Variants in KIF6 observed in about 807,000 individuals in gnomAD.
KIF6 encodes the protein kinesin-like protein KIF6.
KIF6 carries 106 observed loss-of-function variants against 112.7 expected under a neutral mutation model. The ratio of observed to expected loss-of-function variants is 0.94; its 90% CI spans 0.80 to 1.11. The LOEUF (loss-of-function observed/expected upper bound fraction) is 1.11. Among genes scored for constraint, KIF6 ranks in the 50% least tolerant of loss-of-function variants. KIF6 has a pLI of 0.00. For missense variants in KIF6, 929 were observed against 964.0 expected (o/e 0.96, Z 0.48); for synonymous variants, 339 against 339.9 (o/e 1.00, Z 0.03).
In KIF6 at chr6:39,548,988, T is replaced by A. The variant is rs79130590; in HGVS notation, c.1182-3300A>T. Among the ~76,000 whole-genome samples the A allele has an allele frequency of 3.3e-5, 5 of 152,320 alleles. No homozygotes were observed. The East Asian group carries it at 9.6e-4, about 29-fold the overall frequency. On this transcript the variant is annotated intron_variant, in intron 10 of 22. Coordinates refer to ENST00000287152, the MANE Select transcript of KIF6 (RefSeq NM_145027.6). ...AGAAATATTGTAATAATTTAGTGTGTCTGAACACATGACTTCGCTGATGGT... is the reference window on the plus strand; with the variant it reads ...AGAAATATTGTAATAATTTAGTGTGACTGAACACATGACTTCGCTGATGGT...
intron 13 of KIF6, among the ~76,000 whole-genome samples, chr6:39,490,210 A>G (rs778224967): frequency 4.6e-5 from 7 of 152,208 alleles, no homozygotes; most frequent in Non-Finnish European, 8.8e-5. Context: ...CTTCTCACTG[A>G]CACTTACATG....
chr6:39,693,824 C>T (rs190213596), intron 3 of KIF6, among the ~76,000 whole-genome samples: 50 of 152,148 alleles, frequency 3.3e-4, no homozygotes, highest in African/African-American at 9.9e-4. Flanking sequence ...TTCTACAAAA[C>T]CAGCATCATC....
intron 13 of KIF6, among the ~76,000 whole-genome samples, chr6:39,447,817 T>C (rs1772425770): frequency 6.6e-6 from 1 of 152,210 alleles, no homozygotes; most frequent in Admixed American, 6.5e-5. Context: ...CCAATGGACT[T>C]CCATCCCCTA....
intron 14 of KIF6, among the ~76,000 whole-genome samples, chr6:39,427,985 T>C (rs1770886935): frequency 6.6e-6 from 1 of 152,214 alleles, no homozygotes; most frequent in African/African-American, 2.4e-5. Flanking sequence ...CTCCCTAAGT[T>C]AGTGGTTCTT....
intron 6 of KIF6, among the ~76,000 whole-genome samples, chr6:39,610,031 T>C (rs974675979): frequency 6.6e-5 from 10 of 152,174 alleles, no homozygotes; most frequent in Non-Finnish European, 1.5e-5. Flanking sequence ...GGGCAAATGG[T>C]CCTATCTATG....
chr6:39,569,540 A>G (rs62403286), intron 10 of KIF6, among the ~76,000 whole-genome samples: 1 of 152,214 alleles, frequency 6.6e-6, no homozygotes, highest in South Asian at 2.1e-4. Flanking sequence ...ACTAAATCAA[A>G]TTAAACTTTT....
intron 13 of KIF6, among the ~76,000 whole-genome samples, chr6:39,463,579 C>CT (rs1318778152): frequency 4.6e-5 from 7 of 152,140 alleles, no homozygotes; most frequent in Non-Finnish European, 1.0e-4. Context: ...GTGTACTCAT[C>CT]TTTTTTACTT....
intron 13 of KIF6, among the ~76,000 whole-genome samples, chr6:39,513,280 C>T (rs965258038): frequency 6.6e-6 from 1 of 152,124 alleles, no homozygotes; most frequent in Non-Finnish European, 1.5e-5. Context: ...CCTCCTTTTC[C>T]TCCTCCCTAG....
At chr6:39,400,146 G>T (rs1250365550) in intron 15 of KIF6, among the ~76,000 whole-genome samples, 1 of 152,190 alleles carries the variant, frequency 6.6e-6, no homozygotes, top group Non-Finnish European at 1.5e-5. Flanking sequence ...GAATAAGAAG[G>T]AGACGCACCC....
At chr6:39,337,252 T>TCAC (rs1763079118) in intron 22 of KIF6, among the ~76,000 whole-genome samples, 1 of 94,874 alleles carries the variant, frequency 1.1e-5, no homozygotes, top group African/African-American at 5.4e-5. Context: ...TTTCTTTTCT[T>TCAC]TCCCTCCCTC....
intron 3 of KIF6, among the ~76,000 whole-genome samples, chr6:39,675,953 A>C (rs1787112228): frequency 1.3e-5 from 2 of 151,946 alleles, no homozygotes; most frequent in African/African-American, 4.8e-5. Flanking sequence ...AAAAAGAAAG[A>C]AAATATATTT....
At chr6:39,346,010 T>A (rs971263756) in intron 20 of KIF6, among the ~76,000 whole-genome samples, 1 of 147,040 alleles carries the variant, frequency 6.8e-6, no homozygotes, top group Non-Finnish European at 1.5e-5. Flanking sequence ...CTGGGATTAG[T>A]GTCCTTATAG....
intron 16 of KIF6, among the ~76,000 whole-genome samples, chr6:39,382,822 C>T (rs909621531): frequency 6.6e-6 from 1 of 151,896 alleles, no homozygotes; most frequent in Non-Finnish European, 1.5e-5. Flanking sequence ...GCAACCTTGC[C>T]AACATCCGTT....
At chr6:39,693,204 A>C (rs1788330381) in intron 3 of KIF6, among the ~76,000 whole-genome samples, 1 of 152,246 alleles carries the variant, frequency 6.6e-6, no homozygotes, top group Non-Finnish European at 1.5e-5. Context: ...TGTTAAGGGC[A>C]CCACAGTAGC....
rs1484992023 is a variant in KIF6, at chr6:39,720,714, C to T, written c.164G>A (p.Ser55Asn). Residue 55 changes from serine (S) to asparagine (N), a missense_variant, in exon 2 of 23, where the codon AGC becomes AAC. Ser to Asn is a conservative substitution (Grantham distance 46). Coordinates refer to ENST00000287152, the MANE Select transcript of KIF6 (RefSeq NM_145027.6). Reference sequence around the variant, plus strand: ...AAGAAAAACTTACTTAAATTTGTAGCTTTCTCGCTTATTATTCACAAACCC... The same window carrying T: ...AAGAAAAACTTACTTAAATTTGTAGTTTTCTCGCTTATTATTCACAAACCC... ...ADGFVNNKRE[S>N]YKFKFQRIFD... is the part of the protein sequence containing the mutation. 2.5e-6 allele frequency: 4 copies of T among 1,573,042 alleles called. No homozygotes were observed. In the Admixed American group the frequency reaches 6.7e-5, roughly 26 times the overall value.
rs143914856 is a variant in KIF6, at chr6:39,551,788, T to C, written c.1182-6100A>G. On this transcript the variant is annotated intron_variant, in intron 10 of 22. Coordinates refer to ENST00000287152, the MANE Select transcript of KIF6 (RefSeq NM_145027.6). ...ATAAGAAATATGGCAGAATGATTGG[T>C]TGAATGATCTTCATTCATCAACCCT... Among the ~76,000 whole-genome samples the C allele has an allele frequency of 7.0e-3, 1,073 of 152,338 alleles. 32 individuals carry two copies. The highest frequency in any genetic ancestry group is 0.063 in the Admixed American group (960 of 15,280).
chr6:39,445,262 G>A (rs915887495), intron 13 of KIF6, among the ~76,000 whole-genome samples: 5 of 152,100 alleles, frequency 3.3e-5, no homozygotes, highest in Admixed American at 6.5e-5. Context: ...TAATAATGTG[G>A]GCTTTGAGGA....
At chr6:39,685,255 C>T (rs942438778) in intron 3 of KIF6, among the ~76,000 whole-genome samples, 23 of 152,200 alleles carry the variant, frequency 1.5e-4, no homozygotes, top group African/African-American at 5.5e-4. Flanking sequence ...GATGGCAAGA[C>T]AACAAGGCCT....
chr6:39,460,536 T>TAAAAAAAAAAAAAAAAAAAAAAAAAGAA (rs759528125), intron 13 of KIF6, among the ~76,000 whole-genome samples: 2 of 57,076 alleles, frequency 3.5e-5, no homozygotes, highest in Non-Finnish European at 3.2e-5. Flanking sequence ...AAAAAAAAAG[T>TAAAAAAAAAAAAAAAAAAAAAAAAAGAA]AAAAAAAAAA....
Sources: gnomAD v4.1 joint callset for allele counts (sites outside exome capture counted in the v4.1 genomes callset) on GRCh38, gnomAD v4.1.1 for gene constraint, MANE v1.5 for transcripts, NCBI Gene and HGNC (gene_info 2026-07-23, HGNC 2026-07-21) for gene names.